The following FMO3 variants were observed in gnomAD, a reference collection of about 807,000 sequenced individuals.
The protein encoded by FMO3 is flavin containing dimethylaniline monoxygenase 3.
FMO3 carries 40 observed loss-of-function variants against 39.4 expected under a neutral mutation model. The observed-to-expected ratio is 1.02, with a 90% confidence interval of 0.79 to 1.32. The LOEUF (loss-of-function observed/expected upper bound fraction) is 1.32. FMO3 is among the 40% of genes most tolerant of loss of function. The pLI is 0.00. For missense variants in FMO3, 680 were observed against 651.8 expected, an observed-to-expected ratio of 1.04 and a Z score of -0.47; for synonymous variants, 219 against 228.8, an observed-to-expected ratio of 0.96 and a Z score of 0.39.
At chr1:171,114,488 T>C in intron 7 of FMO3, 126 bp downstream of exon 7, 2 of 730,074 alleles carry the variant, frequency 2.7e-6, no homozygotes, top group Non-Finnish European at 4.8e-6. Flanking sequence ...TAATTCTATA[T>C]TCTTTAGTGC....
Position 171,117,544 on chromosome 1 carries a change from G to A in FMO3, c.*102G>A. 1.2e-6 allele frequency: 1 copy of A among 832,096 alleles called. No individual in the cohort carries two copies. The highest frequency in any genetic ancestry group is 1.9e-6 in the Non-Finnish European group (1 of 522,690). 51.5% of individuals were successfully genotyped at this position (832,096 alleles called of 1,614,324 possible). ...TTCACACCACCTGCTTTTCTATTCA[G>A]CATCTTTTGCAGTACTCTGTAGACA... On this transcript the variant is annotated 3_prime_UTR_variant, in exon 9 of 9. Coordinates refer to ENST00000367755, the MANE Select transcript of FMO3 (RefSeq NM_001002294.3).
chr1:171,104,409 T>C lies in FMO3; in HGVS notation c.321+436T>C, dbSNP rs148565627. 3.4e-3 allele frequency among the ~76,000 whole-genome samples: 516 copies of C among 152,114 alleles called. 2 individuals carry two copies. The highest frequency in any genetic ancestry group is 0.012 in the African/African-American group (491 of 41,528). ...TGAAAATTATAAATGTAAATGTTTA[T>C]ATTAGAAAATGAAAAAGTTTAAAAA... On this transcript the variant is annotated intron_variant, in intron 3 of 8. Transcript: ENST00000367755.
At chr1:171,097,014 C>T (rs1349103687) in intron 2 of FMO3, among the ~76,000 whole-genome samples, 1 of 148,536 alleles carries the variant, frequency 6.7e-6, no homozygotes. Context: ...TTGTTCAATT[C>T]CCATCTATGA....
chr1:171,114,010 C>G lies in FMO3; in HGVS notation c.831C>G (p.Val277=), dbSNP rs1656026830. The G allele has an allele frequency of 1.3e-6, 2 of 1,593,052 alleles. No homozygotes were observed. The highest frequency in any genetic ancestry group is 1.1e-5 in the South Asian group (1 of 90,152). ...ENYGLMPLNG[V]LRKEPVFNDE... Reference sequence around the variant, plus strand: ...ATTGTCTCTGTTTTCCATACAGAGTCCTGAGGAAAGAGCCTGTATTTAACG... The same window carrying G: ...ATTGTCTCTGTTTTCCATACAGAGTGCTGAGGAAAGAGCCTGTATTTAACG... Residue 277 remains valine, a synonymous_variant, in exon 7 of 9, where the codon GTC becomes GTG. Transcript: ENST00000367755.
At chr1:171,100,800 C>T (rs1478348559) in intron 2 of FMO3, 6 of 255,852 alleles carry the variant, frequency 2.3e-5, no homozygotes, top group Admixed American at 9.2e-5. Context: ...TTTAACAATG[C>T]CCCTCCTCAA....
At position 171,115,463 on chromosome 1, in the gene FMO3, T is replaced by C. The variant is rs570215658; in HGVS notation, c.1184-745T>C. 2.6e-5 allele frequency among the ~76,000 whole-genome samples: 4 copies of C among 152,292 alleles called. No individual in the cohort carries two copies. The East Asian group carries it at 7.7e-4, about 29-fold the overall frequency. ...AACCATACCATATCTACAAAAGCTG[T>C]TCAAGTGACCCTCCCTATAAGAAGT... On this transcript the variant is annotated intron_variant, in intron 7 of 8. Coordinates refer to ENST00000367755, the MANE Select transcript of FMO3 (RefSeq NM_001002294.3).
In FMO3 at chr1:171,103,820, A is replaced by G; in HGVS notation, c.168A>G (p.Lys56=). The G allele has an allele frequency of 6.2e-7, 1 of 1,613,938 alleles. No homozygotes were observed. Among genetic ancestry groups the G allele is most frequent in the Non-Finnish European group, 8.5e-7 (1 of 1,179,884 alleles). The change falls in exon 3 of 9, where the codon AAA becomes AAG. Residue 56 remains lysine, a synonymous_variant. Coordinates refer to ENST00000367755, the MANE Select transcript of FMO3 (RefSeq NM_001002294.3). The stretch of plus-strand genomic sequence containing the variant: ...AGGAGGGCAGGGCTAGCATTTACAA[A>G]TCAGTCTTTTCCAACTCTTCCAAAG... ...HAEEGRASIY[K]SVFSNSSKEM... is the part of the protein sequence containing the mutation.
intron 2 of FMO3, among the ~76,000 whole-genome samples, chr1:171,097,824 T>G (rs1426093696): frequency 7.9e-5 from 12 of 152,190 alleles, no homozygotes; most frequent in South Asian, 6.2e-4. Context: ...TTTTGGCTTT[T>G]GTTGCCATTG....
At chr1:171,101,281 C>T (rs1655380899) in intron 2 of FMO3, 1 of 451,254 alleles carries the variant, frequency 2.2e-6, no homozygotes, top group African/African-American at 2.0e-5. Flanking sequence ...GAATCAATTG[C>T]TATTATTTTA....
At chr1:171,103,719 C>G in intron 2 of FMO3, 66 bp from the exon 3 acceptor site, 1 of 1,354,334 alleles carries the variant, frequency 7.4e-7, no homozygotes, top group Non-Finnish European at 1.1e-6. Flanking sequence ...TACTTGGAAC[C>G]AGCCCTGACC....
chr1:171,104,691 T>C (rs923898754), intron 3 of FMO3, among the ~76,000 whole-genome samples: 1 of 151,956 alleles, frequency 6.6e-6, no homozygotes, highest in Non-Finnish European at 1.5e-5. Context: ...CTGGGTGACA[T>C]GGAGAAACCA....
rs2066537 is a variant in FMO3, at chr1:171,104,004, C to A, written c.321+31C>A. 1,246 of 1,498,540 alleles carry A rather than the reference C, an allele frequency of 8.3e-4. 13 individuals carry two copies. The African/African-American group carries it at 0.014, about 17-fold the overall frequency. The allele number at this position is 1,498,540 out of a possible 1,614,324, so 92.8% of individuals were successfully genotyped here. A position where few individuals can be genotyped will look rare whatever the true frequency, so the allele number is the denominator to read the frequency against. ...ATGTTATCAACAATTTAGCTCTTGT[C>A]ATAATGCTGAAGAAGTCTATGTCTA... On this transcript the variant is annotated intron_variant, in intron 3 of 8. Coordinates refer to ENST00000367755, the MANE Select transcript of FMO3 (RefSeq NM_001002294.3).
At chr1:171,097,620 C>T (rs1655169377) in intron 2 of FMO3, among the ~76,000 whole-genome samples, 1 of 143,432 alleles carries the variant, frequency 7.0e-6, no homozygotes, top group Non-Finnish European at 1.5e-5. Flanking sequence ...TGTCCTTCAC[C>T]CACTTTTTGA....
chr1:171,098,005 A>G lies in FMO3; in HGVS notation c.132+5215A>G, dbSNP rs552110536. ...AAGGGATCCAGTTTCAGCTTTCTAC[A>G]TATGGCTAGCCAGTTTTCCCAGCAC... On this transcript the variant is annotated intron_variant, in intron 2 of 8. Coordinates refer to ENST00000367755, the MANE Select transcript of FMO3 (RefSeq NM_001002294.3). 3.9e-5 allele frequency among the ~76,000 whole-genome samples: 6 copies of G among 152,338 alleles called. No homozygotes were observed. The South Asian group carries it at 6.2e-4, about 16-fold the overall frequency.
chr1:171,116,869 A>G lies in FMO3; in HGVS notation c.1257-231A>G, dbSNP rs574488715. Among the ~76,000 whole-genome samples the G allele has an allele frequency of 7.2e-5, 11 of 152,326 alleles. No homozygotes were observed. In the East Asian group the frequency reaches 1.9e-3, roughly 27 times the overall value. ...GCATTGCAGTGTTGGGGTATTTCCA[A>G]ATGAAACCATATGAAAGTTCTTTAA... On this transcript the variant is annotated intron_variant, in intron 8 of 8. Coordinates refer to ENST00000367755, the MANE Select transcript of FMO3 (RefSeq NM_001002294.3).
intron 3 of FMO3, among the ~76,000 whole-genome samples, chr1:171,105,178 A>ACAGTTC (rs1349667749): frequency 4.6e-5 from 7 of 152,190 alleles, no homozygotes; most frequent in African/African-American, 1.7e-4. Flanking sequence ...AAGAAAATAA[A>ACAGTTC]CAGTTCCATG....
At chr1:171,115,149 C>T (rs1656087019) in intron 7 of FMO3, among the ~76,000 whole-genome samples, 1 of 152,134 alleles carries the variant, frequency 6.6e-6, no homozygotes, top group African/African-American at 2.4e-5. Context: ...CCCAGAGAGG[C>T]TGGCATTAAA....
At chr1:171,105,019 T>C (rs1655578210) in intron 3 of FMO3, among the ~76,000 whole-genome samples, 1 of 151,802 alleles carries the variant, frequency 6.6e-6, no homozygotes, top group Admixed American at 6.6e-5. Flanking sequence ...ACTATAAAAG[T>C]GTTTGCCAAG....
At chr1:171,096,143 A>G (rs1428229607) in intron 2 of FMO3, among the ~76,000 whole-genome samples, 1 of 69,808 alleles carries the variant, frequency 1.4e-5, no homozygotes, top group Non-Finnish European at 2.5e-5. Flanking sequence ...ATTATTATAT[A>G]TTGATATGAA....
Sources: gnomAD v4.1 joint callset for allele counts (sites outside exome capture counted in the v4.1 genomes callset) on GRCh38, gnomAD v4.1.1 for gene constraint, MANE v1.5 for transcripts, NCBI Gene and HGNC (gene_info 2026-07-23, HGNC 2026-07-21) for gene names.